TRAPPC10: variants seen among roughly 807,000 people sequenced by gnomAD.
TRAPPC10 encodes trafficking protein particle complex subunit 10.
TRAPPC10 carries 23 observed loss-of-function variants against 125.5 expected under a neutral mutation model. The ratio of observed to expected loss-of-function variants is 0.18; its 90% CI spans 0.13 to 0.26. The LOEUF is 0.26. Among genes scored for constraint, TRAPPC10 ranks in the 10% least tolerant of loss-of-function variants. The pLI is 1.00. For synonymous variants in TRAPPC10, 509 were observed against 518.0 expected (o/e 0.98, Z 0.24); for missense variants, 1,123 against 1,308.4 (o/e 0.86, Z 2.19).
At chr21:44,032,005 A>G (rs1469007390) in intron 1 of TRAPPC10, 86 bp from the exon 2 acceptor site, 1 of 1,138,110 alleles carries the variant, frequency 8.8e-7, no homozygotes, top group Non-Finnish European at 1.3e-6. Context: ...AAACTACCTA[A>G]AAACACCAAT....
At chr21:44,060,793 G>A (rs750137731) in intron 6 of TRAPPC10, among the ~76,000 whole-genome samples, 10 of 150,916 alleles carry the variant, frequency 6.6e-5, no homozygotes, top group African/African-American at 9.8e-5. Flanking sequence ...TAGAAACGGG[G>A]TTTCACCATG....
Position 44,063,636 on chromosome 21 carries a change from C to A in TRAPPC10, c.889C>A (p.Gln297Lys). ...PIDMEKRESI[Q>K]RREATLLDLR... ...AGATATGGAGAAGCGGGAATCGATC[C>A]AGAGGCGAGAAGCCACCCTGTTAGA... The change falls in exon 7 of 23, where the codon CAG becomes AAG. Residue 297 changes from glutamine (Q) to lysine (K), a missense_variant. Physicochemically the swap from Gln to Lys is moderately conservative, Grantham distance 53 (BLOSUM62 1). Around this residue, in one of 4 missense-constraint regions of TRAPPC10, gnomAD observed 91 missense variants for 127.1 expected, o/e 0.72. Coordinates refer to ENST00000291574, the MANE Select transcript of TRAPPC10 (RefSeq NM_003274.5). The surrounding 1 kb of genome is among the most constrained non-coding windows in gnomAD (Gnocchi z 4.4). 9.3e-6 allele frequency: 15 copies of A among 1,614,192 alleles called. No individual in the cohort carries two copies. Among genetic ancestry groups the A allele is most frequent in the Non-Finnish European group, 1.3e-5 (15 of 1,180,050 alleles).
chr21:44,077,804 T>C lies in TRAPPC10; in HGVS notation c.1469+20T>C, dbSNP rs768847846. The C allele has an allele frequency of 4.6e-5, 71 of 1,553,220 alleles. No homozygotes were observed. The highest frequency in any genetic ancestry group is 1.5e-4 in the Admixed American group (9 of 59,164). ...TTACATGTAATTGATTTTGTACTTT[T>C]CTTTGAATTCTAAACATACAAATAA... is the stretch of plus-strand genomic sequence containing the variant. On this transcript the variant is annotated intron_variant, in intron 11 of 22. Transcript: ENST00000291574.
chr21:44,062,988 C>T (rs1948668220), intron 6 of TRAPPC10: 2 of 1,302,832 alleles, frequency 1.5e-6, no homozygotes, highest in Admixed American at 2.3e-5. Flanking sequence ...CTGAAATTTT[C>T]GACAAGCAGT....
intron 3 of TRAPPC10, among the ~76,000 whole-genome samples, chr21:44,050,860 TTTAG>T (rs1415874991): frequency 6.6e-6 from 1 of 152,258 alleles, no homozygotes; most frequent in African/African-American, 2.4e-5. Context: ...GAACTTTCTA[TTTAG>T]TTAGTTAAAC....
chr21:44,013,729 CTTTT>C (rs1281438951), intron 1 of TRAPPC10, among the ~76,000 whole-genome samples: 1 of 152,116 alleles, frequency 6.6e-6, no homozygotes, highest in South Asian at 2.1e-4. Context: ...CCTCCTCTCT[CTTTT>C]TTTTCTACAG....
chr21:44,053,286 CTTTT>C (rs59158620), intron 4 of TRAPPC10, among the ~76,000 whole-genome samples: 2 of 152,064 alleles, frequency 1.3e-5, no homozygotes, highest in Admixed American at 1.3e-4. Context: ...TGTTCTGAGA[CTTTT>C]TTTCTTTATG....
intron 1 of TRAPPC10, 51 bp downstream of exon 1, chr21:44,012,611 C>T (rs894554021): frequency 1.6e-4 from 231 of 1,489,390 alleles, no homozygotes; most frequent in Non-Finnish European, 2.0e-4. Flanking sequence ...CGGGCCCGGG[C>T]CCTGGCGTTA....
intron 1 of TRAPPC10, among the ~76,000 whole-genome samples, chr21:44,030,932 C>G (rs910930671): frequency 6.6e-6 from 1 of 152,160 alleles, no homozygotes; most frequent in African/African-American, 2.4e-5. Context: ...CTCATTTAAT[C>G]CTCACCAGAG....
rs776006586 is a variant in TRAPPC10 at position 44,087,777 on chromosome 21, A to T, written c.2618A>T (p.Tyr873Phe). The T allele has an allele frequency of 3.1e-6, 5 of 1,614,084 alleles. No individual in the cohort carries two copies. Among genetic ancestry groups the T allele is most frequent in the South Asian group, 2.2e-5 (2 of 91,094 alleles). The change falls in exon 17 of 23, where the codon TAC becomes TTC. Residue 873 changes from tyrosine (Y) to phenylalanine (F), a missense_variant. By Grantham distance (22) the Tyr-to-Phe change is conservative. Around this residue, in one of 4 missense-constraint regions of TRAPPC10, gnomAD observed 840 missense variants for 902.0 expected, o/e 0.93. Coordinates refer to ENST00000291574, the MANE Select transcript of TRAPPC10 (RefSeq NM_003274.5). The surrounding 1 kb of genome is among the most constrained non-coding windows in gnomAD (Gnocchi z 4.6). ...ATCAGTCTGCCTGTTGCGCCTGCGT[A>T]CCACGTGATCGAATTTGAACTGGAA... ...TSISLPVAPA[Y>F]HVIEFELEVL... is the part of the protein sequence containing the mutation.
intron 6 of TRAPPC10, among the ~76,000 whole-genome samples, chr21:44,060,503 A>C (rs1444316116): frequency 1.3e-5 from 2 of 152,076 alleles, no homozygotes; most frequent in African/African-American, 4.8e-5. Flanking sequence ...GATGGTCTCG[A>C]TCTCCTGACC....
chr21:44,063,199 G>A lies in TRAPPC10; in HGVS notation c.791-339G>A. On this transcript the variant is annotated intron_variant, in intron 6 of 22. Coordinates refer to ENST00000291574, the MANE Select transcript of TRAPPC10 (RefSeq NM_003274.5). This position sits in a 1 kb window ranked among gnomAD's most constrained non-coding sequence, Gnocchi z 4.4. ...GATAAGGAAGCCCAGCCCCGCTGCAGCCTAAGACTAGAGCCCTCCCTCGGC... is the reference window on the plus strand; with the variant it reads ...GATAAGGAAGCCCAGCCCCGCTGCAACCTAAGACTAGAGCCCTCCCTCGGC... 1 of 1,281,720 alleles carries A rather than the reference G, an allele frequency of 7.8e-7. No individual in the cohort carries two copies. Among genetic ancestry groups the A allele is most frequent in the Non-Finnish European group, 1.0e-6 (1 of 990,052 alleles). 79.4% of individuals were successfully genotyped at this position (1,281,720 alleles called of 1,614,324 possible). A position where few individuals can be genotyped will look rare whatever the true frequency, so the allele number is the denominator to read the frequency against.
At chr21:44,066,882 G>A (rs1328284110) in intron 7 of TRAPPC10, among the ~76,000 whole-genome samples, 4 of 152,222 alleles carry the variant, frequency 2.6e-5, no homozygotes, top group Non-Finnish European at 4.4e-5. Flanking sequence ...TTTCAGTCAT[G>A]CTAGTGATGC....
intron 1 of TRAPPC10, among the ~76,000 whole-genome samples, chr21:44,031,627 C>T (rs1444872724): frequency 6.6e-6 from 1 of 152,188 alleles, no homozygotes; most frequent in East Asian, 1.9e-4. Context: ...GTGTAATATT[C>T]GCACATGGGG....
chr21:44,089,786 T>C, intron 17 of TRAPPC10, 47 bp from the exon 18 acceptor site: 1 of 1,472,224 alleles, frequency 6.8e-7, no homozygotes, highest in Non-Finnish European at 9.5e-7. Context: ...GTGGCTGTGC[T>C]GTCCGTCGGC....
chr21:44,092,088 G>A lies in TRAPPC10; in HGVS notation c.2997+39G>A, dbSNP rs778975742. ...AGACCTGAGCATAAACTTCTCAACA[G>A]AGAACCAGAGTGTACGGAAATGATG... On this transcript the variant is annotated intron_variant, in intron 19 of 22. Coordinates refer to ENST00000291574, the MANE Select transcript of TRAPPC10 (RefSeq NM_003274.5). 2.5e-6 allele frequency: 4 copies of A among 1,608,460 alleles called. No individual in the cohort carries two copies. In the Admixed American group the frequency reaches 5.0e-5, roughly 20 times the overall value.
In TRAPPC10 at chr21:44,087,736, C is replaced by T. The variant is rs139588048; in HGVS notation, c.2577C>T (p.Ser859=). The change falls in exon 17 of 23, where the codon TCC becomes TCT. Residue 859 remains serine, a synonymous_variant. Transcript: ENST00000291574. This position sits in a 1 kb window ranked among gnomAD's most constrained non-coding sequence, Gnocchi z 4.6. Reference sequence around the variant, plus strand: ...AGGCCGCGCTCCGGATTCAGTCCTCCGACAAGGTCACGAGCATCAGTCTGC... The same window carrying T: ...AGGCCGCGCTCCGGATTCAGTCCTCTGACAAGGTCACGAGCATCAGTCTGC... ...SSEAALRIQS[S]DKVTSISLPV... is the part of the protein sequence containing the mutation. The T allele has an allele frequency of 7.4e-6, 12 of 1,614,024 alleles. No homozygotes were observed. The highest frequency in any genetic ancestry group is 2.2e-5 in the East Asian group (1 of 44,898).
Position 44,063,635 on chromosome 21 carries a change from C to T in TRAPPC10, c.888C>T (p.Ile296=), listed in dbSNP as rs748302486. ...TAGATATGGAGAAGCGGGAATCGAT[C>T]CAGAGGCGAGAAGCCACCCTGTTAG... The part of the protein sequence containing the change: ...KPIDMEKRES[I]QRREATLLDL... Residue 296 remains isoleucine, a synonymous_variant, in exon 7 of 23, where the codon ATC becomes ATT. Coordinates refer to ENST00000291574, the MANE Select transcript of TRAPPC10 (RefSeq NM_003274.5). This position sits in a 1 kb window ranked among gnomAD's most constrained non-coding sequence, Gnocchi z 4.4. 3 of 1,614,094 alleles carry T rather than the reference C, an allele frequency of 1.9e-6. No individual in the cohort carries two copies. In the Admixed American group the frequency reaches 5.0e-5, roughly 27 times the overall value.
At chr21:44,030,468 CTTTT>C (rs997186383) in intron 1 of TRAPPC10, among the ~76,000 whole-genome samples, 5 of 151,716 alleles carry the variant, frequency 3.3e-5, no homozygotes, top group African/African-American at 1.2e-4. Flanking sequence ...TCTTTTCTTT[CTTTT>C]TCTTTTTTTT....
Sources: gnomAD v4.1 joint callset for allele counts (sites outside exome capture counted in the v4.1 genomes callset) on GRCh38, gnomAD v4.1.1 for gene constraint, gnomAD v4.1.1 regional missense constraint, Gnocchi (gnomAD v3.1) non-coding constraint, MANE v1.5 for transcripts, NCBI Gene and HGNC (gene_info 2026-07-23, HGNC 2026-07-21) for gene names.